Variants in CCDC30 observed in about 807,000 individuals in gnomAD.
CCDC30 encodes coiled-coil domain containing 30.
In CCDC30, 70 loss-of-function variants were observed where a neutral mutation model predicts 100.2. The ratio of observed to expected loss-of-function variants is 0.70; its 90% CI spans 0.58 to 0.85. The LOEUF (loss-of-function observed/expected upper bound fraction) is 0.85, where lower values mean the gene tolerates loss of function less well. CCDC30 is among the 40% of genes least tolerant of loss of function. The probability of loss-of-function intolerance (pLI) is 0.00; values close to 1 mark genes in which losing one functional copy is unlikely to be tolerated. For missense variants in CCDC30, 652 were observed against 771.2 expected, an observed-to-expected ratio of 0.85 and a Z score of 1.83; for synonymous variants, 233 against 269.5, an observed-to-expected ratio of 0.86 and a Z score of 1.33.
In CCDC30 at chr1:42,543,605, C is replaced by A. The variant is rs976755609; in HGVS notation, c.457-22691C>A. 3.3e-5 allele frequency among the ~76,000 whole-genome samples: 5 copies of A among 152,146 alleles called. No homozygotes were observed. In the East Asian group the frequency reaches 9.6e-4, roughly 29 times the overall value. On this transcript the variant is annotated intron_variant, in intron 6 of 16. Transcript: ENST00000668663. ...TTTGTAGCCTCTATTCCAATGAAATCATCCTCCTTACTTTCCCCCAAATTA... is the reference window on the plus strand; with the variant it reads ...TTTGTAGCCTCTATTCCAATGAAATAATCCTCCTTACTTTCCCCCAAATTA...
At chr1:42,545,437 C>T in intron 6 of CCDC30, 1 of 1,584,420 alleles carries the variant, frequency 6.3e-7, no homozygotes, top group South Asian at 1.2e-5. Flanking sequence ...AGAATTTGCA[C>T]AATTAAATCA....
At chr1:42,635,195 G>C (rs928976767) in intron 11 of CCDC30, among the ~76,000 whole-genome samples, 1 of 151,882 alleles carries the variant, frequency 6.6e-6, no homozygotes, top group African/African-American at 2.4e-5. Flanking sequence ...ACAGGTGCCC[G>C]CCACCACACC....
intron 1 of CCDC30, among the ~76,000 whole-genome samples, chr1:42,472,406 G>C (rs1466588574): frequency 2.0e-5 from 3 of 152,186 alleles, no homozygotes; most frequent in Non-Finnish European, 2.9e-5. Flanking sequence ...CTTAGACCAA[G>C]AAGTTGCAGA....
chr1:42,486,108 A>C (rs1220857748), intron 3 of CCDC30, among the ~76,000 whole-genome samples: 1 of 152,210 alleles, frequency 6.6e-6, no homozygotes, highest in Admixed American at 6.5e-5. Context: ...GCGACCCAGA[A>C]ATTCTACTCC....
At chr1:42,639,340 C>T (rs1276737059) in intron 12 of CCDC30, among the ~76,000 whole-genome samples, 1 of 152,152 alleles carries the variant, frequency 6.6e-6, no homozygotes, top group Non-Finnish European at 1.5e-5. Context: ...TTGCTGGCAA[C>T]CACCAGAAGC....
chr1:42,644,913 C>T, intron 14 of CCDC30, 106 bp downstream of exon 18: 1 of 716,442 alleles, frequency 1.4e-6, no homozygotes, highest in Non-Finnish European at 2.4e-6. Context: ...TAGCTGGGCT[C>T]TTGGCCTCAT....
At chr1:42,457,148 G>C in the CCDC30 span, 3 of 1,591,232 alleles carry the variant, frequency 1.9e-6, no homozygotes, top group Non-Finnish European at 2.6e-6. Flanking sequence ...CTTACCTCCT[G>C]CTTACCCACG....
chr1:42,502,722 A>G (rs1052006854), intron 6 of CCDC30, among the ~76,000 whole-genome samples: 4 of 152,206 alleles, frequency 2.6e-5, no homozygotes, highest in Admixed American at 2.6e-4. Context: ...GCCTCTGGCA[A>G]CCACTAAAGT....
chr1:42,481,053 G>C (rs1643948367), intron 2 of CCDC30, among the ~76,000 whole-genome samples: 1 of 151,774 alleles, frequency 6.6e-6, no homozygotes, highest in Non-Finnish European at 1.5e-5. Context: ...GGAGTCTGCA[G>C]TGAGCTATGG....
At chr1:42,502,936 C>G (rs569461031) in intron 6 of CCDC30, among the ~76,000 whole-genome samples, 1 of 152,312 alleles carries the variant, frequency 6.6e-6, no homozygotes, top group Admixed American at 6.5e-5. Context: ...CACTCTGTCA[C>G]CCAGGCTGGA....
intron 10 of CCDC30, among the ~76,000 whole-genome samples, chr1:42,604,982 A>T (rs1222918842): frequency 6.6e-6 from 1 of 152,166 alleles, no homozygotes; most frequent in East Asian, 1.9e-4. Flanking sequence ...TTCAGGTAAG[A>T]CTTTAATTGG....
chr1:42,610,251 A>G (rs1406490740), intron 10 of CCDC30, among the ~76,000 whole-genome samples: 5 of 152,210 alleles, frequency 3.3e-5, no homozygotes, highest in Non-Finnish European at 2.9e-5. Flanking sequence ...TAGTGACAAG[A>G]CTATATCACC....
chr1:42,634,027 C>G (rs917210258), intron 11 of CCDC30, among the ~76,000 whole-genome samples: 1 of 152,050 alleles, frequency 6.6e-6, no homozygotes, highest in Non-Finnish European at 1.5e-5. Context: ...GTCAATAGAA[C>G]AGTATGGAGG....
At chr1:42,504,650 A>AT (rs1219431690) in intron 6 of CCDC30, among the ~76,000 whole-genome samples, 4 of 152,198 alleles carry the variant, frequency 2.6e-5, no homozygotes, top group African/African-American at 9.6e-5. Context: ...GTATAAAAGG[A>AT]TAAGTGGCAT....
chr1:42,545,387 T>C, intron 6 of CCDC30, 23 bp from the exon 9 acceptor site: 1 of 1,539,856 alleles, frequency 6.5e-7, no homozygotes, highest in Non-Finnish European at 8.7e-7. Flanking sequence ...AATAGAATAT[T>C]TGTCTTTCAC....
rs375931339 is a variant in CCDC30, at chr1:42,479,602, A to T, written c.-91-859A>T. Among the ~76,000 whole-genome samples the T allele has an allele frequency of 6.6e-5, 10 of 150,968 alleles. No individual in the cohort carries two copies. The East Asian group carries it at 2.0e-3, about 30-fold the overall frequency. ...AAAAAAGCCTCCCAAATCCTGATCG[A>T]AGTTCTGTTCCCCACTGGTGAGGAA... On this transcript the variant is annotated intron_variant, in intron 1 of 16. Transcript: ENST00000668663.
intron 15 of CCDC30, among the ~76,000 whole-genome samples, chr1:42,652,052 C>A (rs1232774903): frequency 1.3e-5 from 2 of 152,030 alleles, no homozygotes; most frequent in African/African-American, 4.8e-5. Context: ...GGGTATACAT[C>A]CAAAGGATTT....
intron 6 of CCDC30, among the ~76,000 whole-genome samples, chr1:42,511,023 T>C (rs966276691): frequency 2.0e-5 from 3 of 152,020 alleles, no homozygotes; most frequent in African/African-American, 7.2e-5. Flanking sequence ...CTGAAGATGG[T>C]CTGTTACCCA....
Position 42,596,758 on chromosome 1 carries a change from CA to C in CCDC30, c.1164+7280del, listed in dbSNP as rs1049377461. Among the ~76,000 whole-genome samples, 27 of 24,640 alleles carry C rather than the reference CA, an allele frequency of 1.1e-3. No individual in the cohort carries two copies. The East Asian group carries it at 0.011, about 10-fold the overall frequency. The allele number at this position is 24,640 out of a possible 152,430, so 16.2% of individuals were successfully genotyped here. ...GCAAAAAAACAAACAAACAAACAAA[CA>C]AAAACAGTTTGAACAGACAGAGCAA... On this transcript the variant is annotated intron_variant, in intron 10 of 16. Transcript: ENST00000668663. The surrounding 1 kb of genome is among the most constrained non-coding windows in gnomAD (Gnocchi z 4.3).
Sources: allele counts gnomAD v4.1 joint callset (sites outside exome capture counted in the v4.1 genomes callset), GRCh38; gene constraint gnomAD v4.1.1; non-coding constraint Gnocchi (gnomAD v3.1); transcripts MANE v1.5; gene names NCBI Gene and HGNC (gene_info 2026-07-23, HGNC 2026-07-21).